Variants in PPFIBP2 observed in about 807,000 individuals in gnomAD.
PPFIBP2 encodes PPFIB scaffold protein 2, also known as liprin-beta-2.
In PPFIBP2, 118 loss-of-function variants were observed where a neutral mutation model predicts 118.3. That is an observed-to-expected ratio of 1.00 (90% CI 0.86 to 1.16). The LOEUF (loss-of-function observed/expected upper bound fraction) is 1.16, where lower values mean the gene tolerates loss of function less well. PPFIBP2 is among the 50% of genes most tolerant of loss of function. The pLI, the probability that PPFIBP2 is intolerant of heterozygous loss-of-function variation, is 0.00. For missense variants in PPFIBP2, 1,195 were observed against 1,073.1 expected (o/e 1.11, Z -1.59); for synonymous variants, 414 against 397.4 (o/e 1.04, Z -0.50).
chr11:7,565,622 T>G lies in PPFIBP2; in HGVS notation c.134T>G (p.Met45Arg). 7 of 1,614,218 alleles carry G rather than the reference T, an allele frequency of 4.3e-6. No homozygotes were observed. Among genetic ancestry groups the G allele is most frequent in the South Asian group, 1.1e-5 (1 of 91,084 alleles). ...GGACTGGCTTCCCCGGCCTCCTACA[T>G]GAACCCCTTCCCGGTGCTCCATCTC... ...EPGLASPASY[M>R]NPFPVLHLIE... The change falls in exon 3 of 24, where the codon ATG becomes AGG. Residue 45 changes from methionine (M) to arginine (R), a missense_variant. Coordinates refer to ENST00000299492, the MANE Select transcript of PPFIBP2 (RefSeq NM_003621.5).
chr11:7,551,423 A>G (rs1046340553), intron 2 of PPFIBP2, among the ~76,000 whole-genome samples: 3 of 151,996 alleles, frequency 2.0e-5, no homozygotes, highest in African/African-American at 7.3e-5. Context: ...TATTTTTGTG[A>G]TATATATTCA....
chr11:7,557,489 CTTT>C (rs57734219), intron 2 of PPFIBP2, among the ~76,000 whole-genome samples: 1,361 of 107,904 alleles, frequency 0.013, 14 homozygotes, highest in African/African-American at 0.05. Flanking sequence ...CTCATTGGCA[CTTT>C]TTTTTTTTTT....
intron 7 of PPFIBP2, among the ~76,000 whole-genome samples, chr11:7,625,340 T>G (rs938495564): frequency 3.0e-4 from 46 of 152,206 alleles, no homozygotes; most frequent in African/African-American, 8.9e-4. Context: ...GTTGGAAAGA[T>G]GAAAACTGCA....
chr11:7,529,484 T>G (rs1850498440), intron 1 of PPFIBP2, among the ~76,000 whole-genome samples: 1 of 152,060 alleles, frequency 6.6e-6, no homozygotes, highest in African/African-American at 2.4e-5. Context: ...CGGGAGGCCT[T>G]TCTCAGATAC....
intron 5 of PPFIBP2, among the ~76,000 whole-genome samples, chr11:7,606,886 A>ATTTTTTTTTTTTTTTTTTTTTTTTTTTT (rs529585905): frequency 1.9e-5 from 1 of 51,440 alleles, no homozygotes; most frequent in Non-Finnish European, 3.7e-5. Flanking sequence ...AACTGCATGA[A>ATTTTTTTTTTTTTTTTTTTTTTTTTTTT]TTTTTTTTTT....
intron 17 of PPFIBP2, among the ~76,000 whole-genome samples, chr11:7,647,391 C>G (rs1853257736): frequency 6.6e-6 from 1 of 152,086 alleles, no homozygotes; most frequent in Admixed American, 6.6e-5. Context: ...CCCAGTCATC[C>G]TGTCTAGGAA....
intron 1 of PPFIBP2, among the ~76,000 whole-genome samples, chr11:7,547,547 C>G (rs184399274): frequency 8.5e-5 from 13 of 152,310 alleles, no homozygotes; most frequent in Admixed American, 4.6e-4. Context: ...CTGCTTCCCC[C>G]CTTTTCCCTG....
intron 6 of PPFIBP2, 39 bp downstream of exon 6, chr11:7,610,461 G>A: frequency 1.9e-6 from 3 of 1,600,220 alleles, no homozygotes; most frequent in Non-Finnish European, 2.6e-6. Context: ...TCAGACCTGG[G>A]AAGGCTGTCA....
At chr11:7,542,657 T>A (rs1454088719) in intron 1 of PPFIBP2, among the ~76,000 whole-genome samples, 1 of 152,212 alleles carries the variant, frequency 6.6e-6, no homozygotes, top group African/African-American at 2.4e-5. Flanking sequence ...ATTATGTAAG[T>A]CTGTTAAGAT....
downstream of PPFIBP2, among the ~76,000 whole-genome samples, chr11:7,658,113 A>T (rs940637530): frequency 1.3e-5 from 2 of 152,222 alleles, no homozygotes; most frequent in Non-Finnish European, 2.9e-5. Flanking sequence ...AGATGCTCCA[A>T]TATTAGTTTC....
Position 7,653,719 on chromosome 11 carries a change from T to C in PPFIBP2, c.*501T>C. ...GTTGTGCCTTACTTCAGAGGTGGTCTCTTCTTTCTTGTAATAAAAGCAATA... is the reference window on the plus strand; with the variant it reads ...GTTGTGCCTTACTTCAGAGGTGGTCCCTTCTTTCTTGTAATAAAAGCAATA... On this transcript the variant is annotated 3_prime_UTR_variant, in exon 24 of 24. Coordinates refer to ENST00000299492, the MANE Select transcript of PPFIBP2 (RefSeq NM_003621.5). 8.1e-7 allele frequency: 1 copy of C among 1,238,434 alleles called. No homozygotes were observed. Among genetic ancestry groups the C allele is most frequent in the South Asian group, 1.4e-5 (1 of 73,568 alleles). 76.7% of individuals were successfully genotyped at this position (1,238,434 alleles called of 1,614,324 possible).
intron 17 of PPFIBP2, among the ~76,000 whole-genome samples, chr11:7,647,770 T>C (rs780152019): frequency 6.6e-6 from 1 of 152,264 alleles, no homozygotes; most frequent in Non-Finnish European, 1.5e-5. Context: ...CTAATAGCTA[T>C]ACTTCTTGTT....
At chr11:7,522,809 AG>A (rs1849881962) in intron 1 of PPFIBP2, among the ~76,000 whole-genome samples, 1 of 152,176 alleles carries the variant, frequency 6.6e-6, no homozygotes, top group Non-Finnish European at 1.5e-5. Context: ...AAGTACTTTT[AG>A]GGTATCAGCG....
At chr11:7,533,644 G>T (rs1850953020) in intron 1 of PPFIBP2, among the ~76,000 whole-genome samples, 1 of 152,230 alleles carries the variant, frequency 6.6e-6, no homozygotes, top group Admixed American at 6.5e-5. Context: ...GGGTAATGGT[G>T]TTAGGAAAGG....
chr11:7,614,947 A>T (rs973234902), intron 6 of PPFIBP2, among the ~76,000 whole-genome samples: 3 of 152,222 alleles, frequency 2.0e-5, no homozygotes, highest in Non-Finnish European at 1.5e-5. Flanking sequence ...AGACATCATG[A>T]TGTGGAACCC....
At chr11:7,520,130 G>T (rs1290162248) in intron 1 of PPFIBP2, among the ~76,000 whole-genome samples, 1 of 152,224 alleles carries the variant, frequency 6.6e-6, no homozygotes, top group East Asian at 1.9e-4. Flanking sequence ...AGGCGGTATG[G>T]CGCAACATGC....
chr11:7,618,512 C>G (rs1436484463), intron 6 of PPFIBP2, among the ~76,000 whole-genome samples: 2 of 152,142 alleles, frequency 1.3e-5, no homozygotes, highest in Non-Finnish European at 2.9e-5. Context: ...ACTGAGTAAC[C>G]TGGCTAGGAT....
intron 6 of PPFIBP2, among the ~76,000 whole-genome samples, chr11:7,619,823 A>G (rs181322414): frequency 5.9e-5 from 9 of 152,342 alleles, no homozygotes; most frequent in Admixed American, 1.3e-4. Flanking sequence ...GAGAGTAACT[A>G]GGAGGGGAGT....
intron 17 of PPFIBP2, among the ~76,000 whole-genome samples, chr11:7,645,343 G>A (rs984435461): frequency 3.3e-5 from 5 of 152,120 alleles, no homozygotes; most frequent in East Asian, 1.9e-4. Flanking sequence ...CCATTGTGCC[G>A]ATTCGCTCAG....
Sources: allele counts gnomAD v4.1 joint callset (sites outside exome capture counted in the v4.1 genomes callset), GRCh38; gene constraint gnomAD v4.1.1; transcripts MANE v1.5; gene names NCBI Gene and HGNC (gene_info 2026-07-23, HGNC 2026-07-21).